Variants in PITPNC1 observed in about 807,000 individuals in gnomAD.
PITPNC1 encodes the protein phosphatidylinositol transfer protein cytoplasmic 1.
A neutral mutation model predicts 44.7 loss-of-function variants in PITPNC1; 18 were observed. The observed-to-expected ratio is 0.40, with a 90% CI of 0.28 to 0.60. PITPNC1 has a LOEUF of 0.60. PITPNC1 is among the 20% of genes least tolerant of loss of function. The pLI, the probability that PITPNC1 is intolerant of heterozygous loss-of-function variation, is 0.39. For synonymous variants in PITPNC1, 141 were observed against 149.6 expected (o/e 0.94, Z 0.42); for missense variants, 290 against 418.4 (o/e 0.69, Z 2.68).
chr17:67,691,006 G>A (rs1483754489), intron 8 of PITPNC1, among the ~76,000 whole-genome samples: 1 of 152,078 alleles, frequency 6.6e-6, no homozygotes, highest in Non-Finnish European at 1.5e-5. Context: ...AGGAGGCTGA[G>A]GCAGGAGAAT....
intron 5 of PITPNC1, among the ~76,000 whole-genome samples, chr17:67,629,905 T>G (rs919510731): frequency 7.0e-4 from 107 of 152,206 alleles, no homozygotes; most frequent in Non-Finnish European, 1.8e-4. Context: ...CGGGTCAGAC[T>G]AGGGAGTTAA....
At chr17:67,522,589 GA>G (rs565551618) in intron 1 of PITPNC1, among the ~76,000 whole-genome samples, 109 of 150,122 alleles carry the variant, frequency 7.3e-4, no homozygotes, top group African/African-American at 2.6e-3. Context: ...CATACTCACT[GA>G]AAAATGACAA....
chr17:67,536,171 AAC>A (rs917595632), intron 2 of PITPNC1, among the ~76,000 whole-genome samples: 2 of 152,244 alleles, frequency 1.3e-5, no homozygotes, highest in African/African-American at 4.8e-5. Context: ...AACAATCAAT[AAC>A]ACAGAAGATG....
intron 6 of PITPNC1, among the ~76,000 whole-genome samples, chr17:67,667,585 C>A (rs79329825): frequency 0.032 from 4,836 of 149,294 alleles, 111 homozygotes; most frequent in Middle Eastern, 0.075. Flanking sequence ...TCTAAGGTAT[C>A]TCTGAAAAAA....
At chr17:67,428,488 G>A (rs1368024213) in intron 1 of PITPNC1, among the ~76,000 whole-genome samples, 1 of 150,016 alleles carries the variant, frequency 6.7e-6, no homozygotes, top group Non-Finnish European at 1.5e-5. Context: ...TGCAGAAATC[G>A]CACTACTGCA....
At chr17:67,386,009 C>G (rs1419787363) in intron 1 of PITPNC1, among the ~76,000 whole-genome samples, 4 of 152,028 alleles carry the variant, frequency 2.6e-5, no homozygotes, top group Non-Finnish European at 1.5e-5. Flanking sequence ...TTAACTTTTG[C>G]TTTTTCTTAT....
intron 5 of PITPNC1, among the ~76,000 whole-genome samples, chr17:67,624,222 T>TTC (rs1555573656): frequency 6.8e-6 from 1 of 148,006 alleles, no homozygotes; most frequent in Non-Finnish European, 1.5e-5. Context: ...TTCTTTTTTT[T>TTC]TTTTTTTTCC....
At position 67,513,056 on chromosome 17, in the gene PITPNC1, T is replaced by A. The variant is rs149962319; in HGVS notation, c.49-19746T>A. 6.3e-3 allele frequency among the ~76,000 whole-genome samples: 960 copies of A among 152,044 alleles called. 13 individuals are homozygous for A. The highest frequency in any genetic ancestry group is 0.022 in the African/African-American group (921 of 41,480). On this transcript the variant is annotated intron_variant, in intron 1 of 8. Coordinates refer to ENST00000581322, the MANE Select transcript of PITPNC1 (RefSeq NM_012417.4). Reference sequence around the variant, plus strand: ...TGCACACAATCATATAGAAATCATATAATAATTATTAAAAATATATAGTAA... The same window carrying A: ...TGCACACAATCATATAGAAATCATAAAATAATTATTAAAAATATATAGTAA...
At chr17:67,503,011 G>A (rs968669847) in intron 1 of PITPNC1, among the ~76,000 whole-genome samples, 4 of 152,044 alleles carry the variant, frequency 2.6e-5, no homozygotes, top group African/African-American at 9.7e-5. Context: ...GGCCAGGCTG[G>A]TCTCGAACTC....
chr17:67,660,542 GTTTA>G (rs1026927213), intron 6 of PITPNC1, among the ~76,000 whole-genome samples: 13 of 105,258 alleles, frequency 1.2e-4, no homozygotes, highest in Admixed American at 4.2e-4. Context: ...TTATTTATTT[GTTTA>G]TTTATTTATT....
intron 6 of PITPNC1, among the ~76,000 whole-genome samples, chr17:67,654,510 C>T (rs2537833): frequency 0.19 from 28,309 of 152,206 alleles, 2,788 homozygotes; most frequent in East Asian, 0.26. Flanking sequence ...CTCAGGGCAT[C>T]CTTGTATCAT....
chr17:67,575,867 TTTCTTTCTTTCC>T (rs2041140345), intron 4 of PITPNC1, among the ~76,000 whole-genome samples: 1 of 20,374 alleles, frequency 4.9e-5, no homozygotes, highest in Non-Finnish European at 1.0e-4. Context: ...TCCTTCCTTC[TTTCTTTCTTTCC>T]TTTTTTTTTT....
intron 1 of PITPNC1, among the ~76,000 whole-genome samples, chr17:67,436,399 G>A (rs933866864): frequency 3.9e-5 from 6 of 152,262 alleles, no homozygotes; most frequent in African/African-American, 1.2e-4. Context: ...AGAGACAGCT[G>A]TCCAGACACA....
At chr17:67,523,312 G>A (rs1305247959) in intron 1 of PITPNC1, among the ~76,000 whole-genome samples, 2 of 152,176 alleles carry the variant, frequency 1.3e-5, no homozygotes, top group African/African-American at 4.8e-5. Flanking sequence ...TTTTGGCATT[G>A]TACAAGTATA....
In PITPNC1 at chr17:67,495,206, G is replaced by A. The variant is rs546445936; in HGVS notation, c.49-37596G>A. The stretch of plus-strand genomic sequence containing the variant: ...CGAGTAGCTGGGGCTACAGGCGCTC[G>A]CCACCAGGCCCGGCTAATTTTTTTG... On this transcript the variant is annotated intron_variant, in intron 1 of 8. Transcript: ENST00000581322. 1.8e-4 allele frequency among the ~76,000 whole-genome samples: 27 copies of A among 151,446 alleles called. No homozygotes were observed. The South Asian group carries it at 4.4e-3, about 25-fold the overall frequency.
At chr17:67,425,593 C>G (rs1351061453) in intron 1 of PITPNC1, among the ~76,000 whole-genome samples, 2 of 151,318 alleles carry the variant, frequency 1.3e-5, no homozygotes, top group Non-Finnish European at 2.9e-5. Context: ...GCAATCATGC[C>G]TCATTGCAAC....
intron 1 of PITPNC1, among the ~76,000 whole-genome samples, chr17:67,527,346 A>C (rs749006617): frequency 9.9e-5 from 15 of 152,214 alleles, no homozygotes; most frequent in Admixed American, 2.0e-4. Flanking sequence ...ACAGTCTTCA[A>C]CCTGTCTGCA....
chr17:67,433,604 G>A (rs1210070235), intron 1 of PITPNC1, among the ~76,000 whole-genome samples: 4 of 152,150 alleles, frequency 2.6e-5, no homozygotes, highest in African/African-American at 4.8e-5. Flanking sequence ...CCAGCTACTC[G>A]GGAGGCTGAG....
At chr17:67,390,422 G>C (rs2038121261) in intron 1 of PITPNC1, among the ~76,000 whole-genome samples, 1 of 152,170 alleles carries the variant, frequency 6.6e-6, no homozygotes, top group Non-Finnish European at 1.5e-5. Context: ...AGCTTCCAAA[G>C]GAACCTAGGA....
Sources: gnomAD v4.1 joint callset for allele counts (sites outside exome capture counted in the v4.1 genomes callset) on GRCh38, gnomAD v4.1.1 for gene constraint, MANE v1.5 for transcripts, NCBI Gene and HGNC (gene_info 2026-07-23, HGNC 2026-07-21) for gene names.